CTNNA3: variants seen among roughly 807,000 people sequenced by gnomAD.
CTNNA3 encodes the protein catenin alpha 3.
A neutral mutation model predicts 95.7 loss-of-function variants in CTNNA3; 76 were observed. The observed-to-expected ratio is 0.79, with a 90% CI of 0.66 to 0.96. CTNNA3 has a LOEUF of 0.96. CTNNA3 is among the 40% of genes least tolerant of loss of function. CTNNA3 has a pLI of 0.00. For synonymous variants in CTNNA3, 431 were observed against 374.4 expected (o/e 1.15, Z -1.74); for missense variants, 1,191 against 1,089.8 (o/e 1.09, Z -1.31).
intron 13 of CTNNA3, among the ~76,000 whole-genome samples, chr10:66,223,886 T>C (rs1323365157): frequency 1.3e-5 from 2 of 152,044 alleles, no homozygotes; most frequent in Non-Finnish European, 2.9e-5. Context: ...AAGTCTTTAA[T>C]GGTCTGAGTT....
At chr10:66,407,714 G>A (rs2093069327) in intron 11 of CTNNA3, among the ~76,000 whole-genome samples, 2 of 151,862 alleles carry the variant, frequency 1.3e-5, no homozygotes. Flanking sequence ...CTGAGTAGCT[G>A]GGATTAAAGG....
chr10:66,020,272 G>A (rs2133421484), intron 15 of CTNNA3, among the ~76,000 whole-genome samples: 1 of 152,320 alleles, frequency 6.6e-6, no homozygotes, highest in Middle Eastern at 3.4e-3. Flanking sequence ...GACTTGAGCT[G>A]AAGAAAGTGG....
chr10:66,960,830 A>C (rs1849068790), intron 7 of CTNNA3, among the ~76,000 whole-genome samples: 1 of 152,160 alleles, frequency 6.6e-6, no homozygotes, highest in African/African-American at 2.4e-5. Context: ...TGGTAGGGTT[A>C]GGAATAGTGA....
At chr10:67,590,683 C>G (rs1442871575) in intron 3 of CTNNA3, among the ~76,000 whole-genome samples, 5 of 152,032 alleles carry the variant, frequency 3.3e-5, no homozygotes, top group Admixed American at 6.6e-5. Flanking sequence ...CATGTGTATA[C>G]TCTTCTGTGA....
At chr10:67,406,769 C>T (rs1035306559) in intron 5 of CTNNA3, among the ~76,000 whole-genome samples, 1 of 151,992 alleles carries the variant, frequency 6.6e-6, no homozygotes, top group African/African-American at 2.4e-5. Context: ...TAAAAACGAC[C>T]ATGAGAGAAT....
chr10:66,154,719 C>CATAT (rs569694429), intron 13 of CTNNA3, among the ~76,000 whole-genome samples: 1,336 of 74,804 alleles, frequency 0.018, 128 homozygotes, highest in Admixed American at 0.099. Flanking sequence ...TGAAAAAGTT[C>CATAT]ATATATATAT....
chr10:66,390,423 T>G (rs2092926253), intron 11 of CTNNA3, among the ~76,000 whole-genome samples: 1 of 152,078 alleles, frequency 6.6e-6, no homozygotes, highest in Admixed American at 6.6e-5. Context: ...AAAAAGATAT[T>G]AACTAGTTTT....
At chr10:66,734,872 C>A (rs1382568136) in intron 9 of CTNNA3, among the ~76,000 whole-genome samples, 259 of 132,532 alleles carry the variant, frequency 2.0e-3, no homozygotes, top group Middle Eastern at 7.7e-3. Flanking sequence ...AAGACTGTTT[C>A]AAAAAAAAAA....
chr10:66,834,733 G>T (rs1171399052), intron 7 of CTNNA3, among the ~76,000 whole-genome samples: 3 of 152,180 alleles, frequency 2.0e-5, no homozygotes, highest in South Asian at 4.1e-4. Flanking sequence ...GGCATGCAAG[G>T]CCTGCTAGAG....
At chr10:67,022,671 T>C (rs2894024) in intron 7 of CTNNA3, among the ~76,000 whole-genome samples, 137,316 of 152,160 alleles carry the variant, frequency 0.9, 62,396 homozygotes, top group South Asian at 0.97. Context: ...GGCACGGTGG[T>C]TCATGCCTTT....
chr10:67,490,356 G>A (rs999126048), intron 5 of CTNNA3, among the ~76,000 whole-genome samples: 1 of 152,110 alleles, frequency 6.6e-6, no homozygotes, highest in African/African-American at 2.4e-5. Flanking sequence ...TAGCCAAGGT[G>A]ATGGCAGCTG....
At chr10:67,047,758 C>A (rs1854843298) in intron 7 of CTNNA3, among the ~76,000 whole-genome samples, 1 of 152,072 alleles carries the variant, frequency 6.6e-6, no homozygotes, top group South Asian at 2.1e-4. Flanking sequence ...ATTAAGATTT[C>A]ATTTTCTAGC....
chr10:66,116,201 G>C (rs2133799655), intron 13 of CTNNA3, among the ~76,000 whole-genome samples: 1 of 152,288 alleles, frequency 6.6e-6, no homozygotes, highest in African/African-American at 2.4e-5. Flanking sequence ...TGTGAAACTA[G>C]CTCATGGCAA....
intron 13 of CTNNA3, among the ~76,000 whole-genome samples, chr10:66,114,345 T>C (rs10996902): frequency 0.32 from 48,427 of 151,562 alleles, 8,275 homozygotes; most frequent in African/African-American, 0.44. Context: ...TATTGTTAAC[T>C]GAATATCTGT....
At chr10:67,161,006 T>A (rs2132088533) in intron 7 of CTNNA3, among the ~76,000 whole-genome samples, 1 of 152,166 alleles carries the variant, frequency 6.6e-6, no homozygotes, top group South Asian at 2.1e-4. Flanking sequence ...GAGGGTAGAA[T>A]GGTGGGTGCT....
chr10:66,899,732 AG>A (rs1345469981), intron 7 of CTNNA3, among the ~76,000 whole-genome samples: 5 of 152,224 alleles, frequency 3.3e-5, no homozygotes, highest in East Asian at 1.9e-4. Flanking sequence ...CCACGCCCAT[AG>A]AGCCTTGCTC....
intron 7 of CTNNA3, among the ~76,000 whole-genome samples, chr10:67,030,415 A>T (rs1231508296): frequency 6.6e-6 from 1 of 152,172 alleles, no homozygotes; most frequent in Non-Finnish European, 1.5e-5. Flanking sequence ...TTAAAAATTT[A>T]GGCCCTGTTG....
chr10:66,142,877 G>T (rs1414642989), intron 13 of CTNNA3, among the ~76,000 whole-genome samples: 1 of 152,034 alleles, frequency 6.6e-6, no homozygotes, highest in East Asian at 1.9e-4. Flanking sequence ...GAAAGAAAAA[G>T]TCAGTTGCAG....
intron 13 of CTNNA3, among the ~76,000 whole-genome samples, chr10:66,182,379 C>T (rs1446630105): frequency 1.3e-5 from 2 of 152,020 alleles, no homozygotes; most frequent in Non-Finnish European, 2.9e-5. Flanking sequence ...CCTCAGCCTC[C>T]CAAGTAGCTG....
Sources: allele counts gnomAD v4.1 joint callset (sites outside exome capture counted in the v4.1 genomes callset), GRCh38; gene constraint gnomAD v4.1.1; transcripts MANE v1.5; gene names NCBI Gene and HGNC (gene_info 2026-07-23, HGNC 2026-07-21).